The following GPM6A variants were observed in gnomAD, a reference collection of about 807,000 sequenced individuals.
GPM6A encodes neuronal membrane glycoprotein M6-a.
Under a neutral mutation model 32.1 loss-of-function variants are expected in GPM6A, and 7 were observed. That is an observed-to-expected ratio of 0.22 (90% CI 0.12 to 0.41). GPM6A has a LOEUF of 0.41. Among genes scored for constraint, GPM6A ranks in the 10% least tolerant of loss-of-function variants. The pLI, the probability that GPM6A is intolerant of heterozygous loss-of-function variation, is 1.00. For synonymous variants in GPM6A, 130 were observed against 123.4 expected (o/e 1.05, Z -0.35); for missense variants, 235 against 347.2 (o/e 0.68, Z 2.57).
intron 1 of GPM6A, among the ~76,000 whole-genome samples, chr4:175,838,736 C>A (rs1336414255): frequency 7.0e-6 from 1 of 142,152 alleles, no homozygotes; most frequent in East Asian, 2.1e-4. Context: ...CTCACCAGAA[C>A]CTTTACCTCC....
At chr4:175,748,783 C>T (rs2111183297) in intron 1 of GPM6A, among the ~76,000 whole-genome samples, 1 of 152,286 alleles carries the variant, frequency 6.6e-6, no homozygotes, top group South Asian at 2.1e-4. Flanking sequence ...GAAAGTCCTA[C>T]AGGACATCTT....
At chr4:175,638,116 T>C (rs943342276) in intron 6 of GPM6A, among the ~76,000 whole-genome samples, 1 of 150,464 alleles carries the variant, frequency 6.6e-6, no homozygotes, top group Non-Finnish European at 1.5e-5. Context: ...CTAACTTCTC[T>C]ACAAATAATG....
In GPM6A at chr4:175,662,551, G is replaced by A. The variant is rs531264691; in HGVS notation, c.388-10564C>T. Among the ~76,000 whole-genome samples, 40 of 152,160 alleles carry A rather than the reference G, an allele frequency of 2.6e-4. No homozygotes were observed. In the South Asian group the frequency reaches 7.9e-3, roughly 30 times the overall value. On this transcript the variant is annotated intron_variant, in intron 3 of 6. Transcript: ENST00000393658. ...GGAGGCGGAGATTGCAGTGAGCCGA[G>A]ATCGCACCACTGCACTCCAGCCTGG... is the stretch of plus-strand genomic sequence containing the variant.
At chr4:175,806,931 G>T (rs1734719144) in intron 1 of GPM6A, 1 of 152,206 alleles carries the variant, frequency 6.6e-6, no homozygotes, top group Non-Finnish European at 1.5e-5. Flanking sequence ...CTGAGACGAA[G>T]TCTGTCCACT....
chr4:175,915,717 T>C (rs543975444), intron 1 of GPM6A, among the ~76,000 whole-genome samples: 16 of 152,114 alleles, frequency 1.1e-4, no homozygotes, highest in Non-Finnish European at 1.9e-4. Context: ...CAATATTATT[T>C]TTCATCCACC....
chr4:175,647,684 C>G (rs1741539967), intron 4 of GPM6A, among the ~76,000 whole-genome samples: 1 of 152,098 alleles, frequency 6.6e-6, no homozygotes, highest in Admixed American at 6.6e-5. Context: ...AAGGAGACAA[C>G]TCTGCAACAA....
chr4:175,701,992 T>A (rs1358840049), intron 1 of GPM6A, among the ~76,000 whole-genome samples: 4 of 152,216 alleles, frequency 2.6e-5, no homozygotes, highest in African/African-American at 4.8e-5. Flanking sequence ...GTCTTCCTCA[T>A]CTACCGCAAA....
intron 3 of GPM6A, among the ~76,000 whole-genome samples, chr4:175,656,916 T>C (rs1191885993): frequency 6.6e-6 from 1 of 152,172 alleles, no homozygotes; most frequent in African/African-American, 2.4e-5. Context: ...TGGAATGTTA[T>C]GATATAATGA....
At position 175,877,969 on chromosome 4, in the gene GPM6A, G is replaced by C. The variant is rs149205512; in HGVS notation, c.-22-65720C>G. On this transcript the variant is annotated intron_variant, in intron 1 of 7. Transcript: ENST00000280187. ...GTAAAAACACTCACTCGAAATGGGA[G>C]AAATTGGCCAAAAAAGGGGGCTACA... 3.1e-3 allele frequency among the ~76,000 whole-genome samples: 477 copies of C among 152,270 alleles called. 1 individual carries two copies. The highest frequency in any genetic ancestry group is 0.011 in the African/African-American group (458 of 41,564).
chr4:175,687,194 AT>A (rs1466251680), intron 2 of GPM6A, among the ~76,000 whole-genome samples: 3 of 152,124 alleles, frequency 2.0e-5, no homozygotes, highest in Non-Finnish European at 4.4e-5. Context: ...AGAATATGGG[AT>A]TTACTCTCTT....
At chr4:175,788,187 A>G (rs1345851570) in intron 1 of GPM6A, 1 of 152,232 alleles carries the variant, frequency 6.6e-6, no homozygotes, top group Non-Finnish European at 1.5e-5. Flanking sequence ...ATGTGTCTGA[A>G]TAGGGAAGAG....
At chr4:175,749,640 TA>T (rs1732242575) in intron 1 of GPM6A, among the ~76,000 whole-genome samples, 1 of 152,200 alleles carries the variant, frequency 6.6e-6, no homozygotes, top group South Asian at 2.1e-4. Context: ...AAGCAGGGTA[TA>T]ACTTTATATC....
At chr4:175,988,196 C>G (rs928329447) in intron 1 of GPM6A, among the ~76,000 whole-genome samples, 1 of 152,148 alleles carries the variant, frequency 6.6e-6, no homozygotes, top group Non-Finnish European at 1.5e-5. Context: ...TAGCCCACTT[C>G]AATGCACTTC....
rs185939280 is a variant in GPM6A, at chr4:175,767,120, C to G, written c.37+45071G>C. On this transcript the variant is annotated intron_variant, in intron 1 of 6. Coordinates refer to ENST00000393658, the MANE Select transcript of GPM6A (RefSeq NM_201591.3). The stretch of plus-strand genomic sequence containing the variant: ...TTCTTCCATTTTATTATTAATGAGT[C>G]TAGCGCATTTTCCTGAAATAAAAGC... Among the ~76,000 whole-genome samples the G allele has an allele frequency of 1.7e-4, 26 of 152,286 alleles. No homozygotes were observed. The East Asian group carries it at 4.6e-3, about 27-fold the overall frequency.
At chr4:175,951,669 G>GA (rs1383028700) in intron 1 of GPM6A, among the ~76,000 whole-genome samples, 1 of 152,130 alleles carries the variant, frequency 6.6e-6, no homozygotes, top group South Asian at 2.1e-4. Context: ...ACAATTTTCT[G>GA]AAAAAATATC....
chr4:175,729,007 G>T (rs1027881473), intron 1 of GPM6A, among the ~76,000 whole-genome samples: 4 of 152,116 alleles, frequency 2.6e-5, no homozygotes, highest in African/African-American at 9.7e-5. Flanking sequence ...GGTGGATGTG[G>T]TTCCAACTGC....
chr4:175,803,162 GTT>G (rs34904118), intron 1 of GPM6A, among the ~76,000 whole-genome samples: 37 of 84,300 alleles, frequency 4.4e-4, no homozygotes, highest in Non-Finnish European at 9.1e-4. Flanking sequence ...TCCTGTTCTC[GTT>G]TCATCATCAT....
chr4:175,952,728 T>C (rs939418798), intron 1 of GPM6A, among the ~76,000 whole-genome samples: 23 of 152,084 alleles, frequency 1.5e-4, no homozygotes, highest in Admixed American at 8.5e-4. Flanking sequence ...AGTCCAGTCC[T>C]GGTGTATTAC....
At chr4:175,950,628 G>T (rs1342085342) in intron 1 of GPM6A, among the ~76,000 whole-genome samples, 2 of 152,174 alleles carry the variant, frequency 1.3e-5, no homozygotes, top group Non-Finnish European at 2.9e-5. Flanking sequence ...AGGACAATCT[G>T]CTGCAGTCAA....
Sources: allele counts gnomAD v4.1 joint callset (sites outside exome capture counted in the v4.1 genomes callset), GRCh38; gene constraint gnomAD v4.1.1; transcripts MANE v1.5; gene names NCBI Gene and HGNC (gene_info 2026-07-23, HGNC 2026-07-21).